EPHB1: variants seen among roughly 807,000 people sequenced by gnomAD.
EPHB1 encodes the protein ephrin type-B receptor 1.
In EPHB1, 30 loss-of-function variants were observed where a neutral mutation model predicts 94.4. The observed-to-expected ratio is 0.32, with a 90% CI of 0.24 to 0.43. The LOEUF (loss-of-function observed/expected upper bound fraction) is 0.43, where lower values mean the gene tolerates loss of function less well. Ranked by LOEUF, EPHB1 falls within the 20% of genes least tolerant of loss-of-function variation. The pLI is 1.00. For synonymous variants in EPHB1, 522 were observed against 489.1 expected, an observed-to-expected ratio of 1.07 and a Z score of -0.89; for missense variants, 1,055 against 1,308.3, an observed-to-expected ratio of 0.81 and a Z score of 2.99.
chr3:135,117,071 G>A (rs1200581906), intron 4 of EPHB1, among the ~76,000 whole-genome samples: 4 of 152,234 alleles, frequency 2.6e-5, no homozygotes, highest in African/African-American at 9.6e-5. Flanking sequence ...TGGCATAAAG[G>A]TAGATTCTGA....
chr3:134,954,262 G>C (rs1933150950), intron 3 of EPHB1, among the ~76,000 whole-genome samples: 1 of 152,198 alleles, frequency 6.6e-6, no homozygotes, highest in Non-Finnish European at 1.5e-5. Flanking sequence ...GACTCTGATG[G>C]CTGGCAAGGG....
chr3:135,254,680 T>G (rs1933292152), intron 15 of EPHB1, among the ~76,000 whole-genome samples: 1 of 142,646 alleles, frequency 7.0e-6, no homozygotes, highest in African/African-American at 2.5e-5. Flanking sequence ...ATTCTCTTTT[T>G]TTTGTGTGTG....
intron 1 of EPHB1, among the ~76,000 whole-genome samples, chr3:134,817,302 G>A (rs1485480136): frequency 6.6e-6 from 1 of 152,202 alleles, no homozygotes; most frequent in Admixed American, 6.5e-5. Context: ...GTAGAACAAT[G>A]TCAGTATTGC....
At chr3:135,023,200 T>G (rs1161521943) in intron 3 of EPHB1, among the ~76,000 whole-genome samples, 2 of 152,212 alleles carry the variant, frequency 1.3e-5, no homozygotes, top group Non-Finnish European at 2.9e-5. Flanking sequence ...GTTGTTTCTG[T>G]GTGTATGTTT....
At chr3:134,931,981 G>A (rs73226272) in intron 2 of EPHB1, among the ~76,000 whole-genome samples, 3,002 of 151,982 alleles carry the variant, frequency 0.02, 51 homozygotes, top group South Asian at 0.035. Flanking sequence ...ATATGTATGT[G>A]TATATATATG....
chr3:134,930,979 A>G (rs898902332), intron 2 of EPHB1, among the ~76,000 whole-genome samples: 2 of 152,230 alleles, frequency 1.3e-5, no homozygotes, highest in African/African-American at 4.8e-5. Flanking sequence ...CCAGCCTGGC[A>G]TAGGACAGGA....
At chr3:135,229,520 G>T (rs1943484857) in intron 12 of EPHB1, among the ~76,000 whole-genome samples, 1 of 152,128 alleles carries the variant, frequency 6.6e-6, no homozygotes, top group South Asian at 2.1e-4. Flanking sequence ...TGAAAAGAAG[G>T]AATATACCTA....
intron 1 of EPHB1, among the ~76,000 whole-genome samples, chr3:134,827,238 C>T (rs981305643): frequency 2.6e-4 from 40 of 152,352 alleles, no homozygotes; most frequent in African/African-American, 8.2e-4. Flanking sequence ...ATGCTGGGAT[C>T]TGGCCAGGTT....
intron 9 of EPHB1, 37 bp downstream of exon 9, chr3:135,167,043 C>T (rs529578162): frequency 1.2e-6 from 2 of 1,610,362 alleles, no homozygotes; most frequent in Admixed American, 1.7e-5. Context: ...CTGACCCCCA[C>T]AGGCCACTGA....
intron 10 of EPHB1, among the ~76,000 whole-genome samples, chr3:135,191,858 C>T (rs995498857): frequency 1.3e-5 from 2 of 152,164 alleles, no homozygotes; most frequent in African/African-American, 4.8e-5. Context: ...CTGCAGAGGC[C>T]CAGCTCTTCC....
Position 135,249,500 on chromosome 3 carries a change from T to C in EPHB1, c.2846+9T>C. 1.9e-6 allele frequency: 3 copies of C among 1,612,002 alleles called. No homozygotes were observed. The highest frequency in any genetic ancestry group is 2.5e-6 in the Non-Finnish European group (3 of 1,178,884). On this transcript the variant is annotated intron_variant, in intron 15 of 15. Transcript: ENST00000398015. ...ACCCAGATGACATCAGAGTAAGTGA[T>C]GAGAATCTCTCTGTCCAGACCACAC...
Position 135,205,921 on chromosome 3 carries a change from A to G in EPHB1, c.2346+4232A>G, listed in dbSNP as rs578014017. On this transcript the variant is annotated intron_variant, in intron 12 of 15. Coordinates refer to ENST00000398015, the MANE Select transcript of EPHB1 (RefSeq NM_004441.5). ...TAAAACTCACAAGTCTCAAGTGTAC[A>G]TTTATAGAGTTTTTAAAAATGCGTG... is the stretch of plus-strand genomic sequence containing the variant. 1.1e-4 allele frequency among the ~76,000 whole-genome samples: 16 copies of G among 152,268 alleles called. No individual in the cohort carries two copies. In the South Asian group the frequency reaches 3.3e-3, roughly 32 times the overall value.
intron 1 of EPHB1, among the ~76,000 whole-genome samples, chr3:134,883,127 A>G (rs1349123725): frequency 2.0e-5 from 3 of 152,194 alleles, no homozygotes; most frequent in Non-Finnish European, 4.4e-5. Context: ...CAGCTTTGCA[A>G]TTAAGCTTTC....
chr3:135,002,385 A>C (rs898559008), intron 3 of EPHB1, among the ~76,000 whole-genome samples: 8 of 152,214 alleles, frequency 5.3e-5, no homozygotes, highest in Admixed American at 3.9e-4. Flanking sequence ...ATCAATGTTC[A>C]TCAAGGATAT....
chr3:135,184,210 G>C (rs566611944), intron 10 of EPHB1, among the ~76,000 whole-genome samples: 26 of 152,282 alleles, frequency 1.7e-4, no homozygotes, highest in African/African-American at 5.3e-4. Flanking sequence ...AGGGGCATCA[G>C]GTTAAGGGAG....
At chr3:134,873,795 G>T (rs750665100) in intron 1 of EPHB1, among the ~76,000 whole-genome samples, 18 of 152,220 alleles carry the variant, frequency 1.2e-4, no homozygotes, top group Non-Finnish European at 2.5e-4. Flanking sequence ...CAATGGAGGG[G>T]TCTCCAGTGT....
intron 12 of EPHB1, among the ~76,000 whole-genome samples, chr3:135,207,414 G>A (rs901305331): frequency 6.7e-6 from 1 of 148,500 alleles, no homozygotes; most frequent in Non-Finnish European, 1.5e-5. Flanking sequence ...TATTTATTGA[G>A]TATCTACTAT....
At chr3:135,112,088 A>G (rs1429100710) in intron 4 of EPHB1, among the ~76,000 whole-genome samples, 2 of 152,242 alleles carry the variant, frequency 1.3e-5, no homozygotes, top group Admixed American at 6.5e-5. Context: ...AGGAAGCACA[A>G]CGTGGCTGGA....
chr3:134,804,071 A>ATTTT (rs572201781), intron 1 of EPHB1, among the ~76,000 whole-genome samples: 6 of 43,768 alleles, frequency 1.4e-4, no homozygotes, highest in African/African-American at 5.7e-4. Context: ...ATTATTGGCT[A>ATTTT]TTTTTTTTTT....
Sources: allele counts gnomAD v4.1 joint callset (sites outside exome capture counted in the v4.1 genomes callset), GRCh38; gene constraint gnomAD v4.1.1; transcripts MANE v1.5; gene names NCBI Gene and HGNC (gene_info 2026-07-23, HGNC 2026-07-21).